The following PDE4B variants were observed in gnomAD, a reference collection of about 807,000 sequenced individuals.
The protein encoded by PDE4B is phosphodiesterase 4B, also known as 3',5'-cyclic-AMP phosphodiesterase 4B.
Under a neutral mutation model 82.2 loss-of-function variants are expected in PDE4B, and 20 were observed. The observed-to-expected ratio is 0.24, with a 90% CI of 0.17 to 0.35. The LOEUF is 0.35. Ranked by LOEUF, PDE4B falls within the 10% of genes least tolerant of loss-of-function variation. PDE4B has a pLI of 1.00. For synonymous variants in PDE4B, 320 were observed against 318.9 expected (o/e 1.00, Z -0.04); for missense variants, 655 against 907.2 (o/e 0.72, Z 3.57).
At chr1:65,820,098 A>T (rs950444261) in intron 1 of PDE4B, among the ~76,000 whole-genome samples, 2 of 152,208 alleles carry the variant, frequency 1.3e-5, no homozygotes, top group Non-Finnish European at 2.9e-5. Flanking sequence ...TAGAAGTAAT[A>T]GCAACAGTAT....
Position 66,257,815 on chromosome 1 carries a change from T to C in PDE4B, c.536T>C (p.Val179Ala), listed in dbSNP as rs1309750857. The C allele has an allele frequency of 6.2e-7, 1 of 1,613,356 alleles. No homozygotes were observed. The stretch of plus-strand genomic sequence containing the variant: ...TAGGTCCTTGCCAGCTTGCGAAGTG[T>C]GAGAAACAACTTCACTATACTGACA... ...FAQVLASLRSVRNNFTILTNL... is the reference protein window; with the variant it reads ...FAQVLASLRSARNNFTILTNL... Residue 179 changes from valine to alanine, a missense_variant, in exon 6 of 17, where the codon GTG (valine) becomes GCG (alanine). Coordinates refer to ENST00000341517, the MANE Select transcript of PDE4B (RefSeq NM_002600.4).
intron 1 of PDE4B, among the ~76,000 whole-genome samples, chr1:65,837,205 ATGTAT>A (rs1371805683): frequency 5.3e-5 from 8 of 152,110 alleles, no homozygotes; most frequent in Non-Finnish European, 1.2e-4. Context: ...TTTATATATC[ATGTAT>A]TGTATATACA....
intron 3 of PDE4B, among the ~76,000 whole-genome samples, chr1:66,068,951 T>A (rs976202094): frequency 1.3e-5 from 2 of 152,062 alleles, no homozygotes; most frequent in African/African-American, 4.8e-5. Context: ...ATTGAATTTT[T>A]TGTTGTCTTC....
intron 3 of PDE4B, among the ~76,000 whole-genome samples, chr1:66,239,815 T>C (rs189431065): frequency 6.6e-6 from 1 of 152,366 alleles, no homozygotes; most frequent in Admixed American, 6.5e-5. Context: ...CTTTTTTCAT[T>C]GTTCACCCAT....
intron 3 of PDE4B, chr1:66,050,486 C>A (rs1478326855): frequency 2.0e-5 from 3 of 151,706 alleles, no homozygotes; most frequent in Non-Finnish European, 4.4e-5. Flanking sequence ...TACATGTATG[C>A]ACACACACAC....
At chr1:66,269,778 T>C (rs1655329295) in intron 7 of PDE4B, among the ~76,000 whole-genome samples, 1 of 152,242 alleles carries the variant, frequency 6.6e-6, no homozygotes, top group Non-Finnish European at 1.5e-5. Context: ...TATCAAGTGT[T>C]CGCTGTCTTT....
rs188597717 is a variant in PDE4B at position 65,810,220 on chromosome 1, G to T, written c.-71+16972G>T. 2.6e-5 allele frequency among the ~76,000 whole-genome samples: 4 copies of T among 152,320 alleles called. No individual in the cohort carries two copies. In the East Asian group the frequency reaches 7.7e-4, roughly 29 times the overall value. Reference sequence around the variant, plus strand: ...AGTCCACACTTTCTGCTCTAGCAAAGGTAATTTTTGCTATTTATTTTGACC... The same window carrying T: ...AGTCCACACTTTCTGCTCTAGCAAATGTAATTTTTGCTATTTATTTTGACC... On this transcript the variant is annotated intron_variant, in intron 1 of 16. Transcript: ENST00000341517.
intron 3 of PDE4B, among the ~76,000 whole-genome samples, chr1:66,129,876 G>A (rs1645904733): frequency 6.6e-6 from 1 of 152,150 alleles, no homozygotes; most frequent in South Asian, 2.1e-4. Flanking sequence ...TTCAGGAGAT[G>A]TATTACATTT....
chr1:66,363,615 C>CA, intron 12 of PDE4B, 44 bp downstream of exon 12: 1 of 1,503,440 alleles, frequency 6.7e-7, no homozygotes, highest in Non-Finnish European at 9.2e-7. Flanking sequence ...CATCCTCCTT[C>CA]AAAAATGCCA....
intron 8 of PDE4B, among the ~76,000 whole-genome samples, chr1:66,340,115 A>G (rs575831861): frequency 1.3e-5 from 2 of 152,340 alleles, no homozygotes; most frequent in East Asian, 3.9e-4. Flanking sequence ...CCAGTTGTCA[A>G]TATGCTTTCC....
chr1:66,172,849 T>C (rs559155900), intron 3 of PDE4B, among the ~76,000 whole-genome samples: 1 of 152,334 alleles, frequency 6.6e-6, no homozygotes, highest in Admixed American at 6.5e-5. Flanking sequence ...AATATGATGT[T>C]TAAAGGAACT....
chr1:66,283,663 A>G (rs1430751358), intron 7 of PDE4B, among the ~76,000 whole-genome samples: 1 of 151,928 alleles, frequency 6.6e-6, no homozygotes, highest in South Asian at 2.1e-4. Flanking sequence ...TGGCCCTTGT[A>G]TAGAAAGTAT....
chr1:65,975,024 G>A (rs1336028152), intron 3 of PDE4B, among the ~76,000 whole-genome samples: 1 of 152,200 alleles, frequency 6.6e-6, no homozygotes, highest in Non-Finnish European at 1.5e-5. Context: ...CTCAAAGGTT[G>A]GAACAGTTTG....
chr1:66,017,616 C>T (rs2100757077), intron 3 of PDE4B, among the ~76,000 whole-genome samples: 1 of 152,224 alleles, frequency 6.6e-6, no homozygotes, highest in African/African-American at 2.4e-5. Context: ...TCCCACATGT[C>T]TACAGATTTT....
intron 9 of PDE4B, among the ~76,000 whole-genome samples, chr1:66,357,040 A>G (rs998583893): frequency 5.9e-5 from 9 of 152,220 alleles, no homozygotes; most frequent in Admixed American, 3.3e-4. Context: ...GTAATGCCCA[A>G]CGATTTTTCA....
At chr1:66,166,139 G>T (rs887809205) in intron 3 of PDE4B, among the ~76,000 whole-genome samples, 1 of 152,182 alleles carries the variant, frequency 6.6e-6, no homozygotes, top group African/African-American at 2.4e-5. Flanking sequence ...CAATGGGGGA[G>T]TGGGGGAATC....
At chr1:66,019,610 C>T (rs1652980771) in intron 3 of PDE4B, among the ~76,000 whole-genome samples, 1 of 152,056 alleles carries the variant, frequency 6.6e-6, no homozygotes, top group Admixed American at 6.6e-5. Flanking sequence ...CCCTTGACCT[C>T]CCAAAGTGCT....
intron 3 of PDE4B, among the ~76,000 whole-genome samples, chr1:66,001,978 C>T (rs1168667701): frequency 6.6e-6 from 1 of 152,160 alleles, no homozygotes; most frequent in Non-Finnish European, 1.5e-5. Flanking sequence ...CTGCCTCAAC[C>T]TCCCAAAATG....
At chr1:66,026,382 C>A (rs1007409557) in intron 3 of PDE4B, among the ~76,000 whole-genome samples, 1 of 152,146 alleles carries the variant, frequency 6.6e-6, no homozygotes, top group South Asian at 2.1e-4. Flanking sequence ...TCTATTATCC[C>A]CATCTGGCCC....
Sources: allele counts gnomAD v4.1 joint callset (sites outside exome capture counted in the v4.1 genomes callset), GRCh38; gene constraint gnomAD v4.1.1; transcripts MANE v1.5; gene names NCBI Gene and HGNC (gene_info 2026-07-23, HGNC 2026-07-21).